OCM: variants seen among roughly 807,000 people sequenced by gnomAD.
OCM encodes oncomodulin-1.
In OCM, 18 loss-of-function variants were observed where a neutral mutation model predicts 14.1. That is an observed-to-expected ratio of 1.28 (90% CI 0.88 to 1.89). OCM has a LOEUF of 1.89. Among genes scored for constraint, OCM ranks in the 40% most tolerant of loss-of-function variants. OCM has a pLI of 0.00. For missense variants in OCM, 140 were observed against 137.6 expected, an observed-to-expected ratio of 1.02 and a Z score of -0.09; for synonymous variants, 48 against 51.0, an observed-to-expected ratio of 0.94 and a Z score of 0.25.
the OCM span, among the ~76,000 whole-genome samples, chr7:5,872,284 C>G: frequency 6.6e-6 from 1 of 152,142 alleles, no homozygotes; most frequent in Admixed American, 6.5e-5. Context: ...AACACACAAG[C>G]TGTCCTTTTC....
rs767572585 is a variant in OCM, at chr7:5,882,635, G to T, written c.194+10G>T. The T allele has an allele frequency of 3.7e-6, 6 of 1,613,952 alleles. No homozygotes were observed. The highest frequency in any genetic ancestry group is 5.1e-6 in the Non-Finnish European group (6 of 1,179,938). On this transcript the variant is annotated intron_variant, in intron 2 of 3. Coordinates refer to ENST00000242104, the MANE Select transcript of OCM (RefSeq NM_001097622.2). ...ATGAAGAAGAGCTTAAGTAAGCTTT[G>T]TCCTGAGTCTGTCTGGTACCCGGCA...
At chr7:5,868,814 G>A in the OCM span, among the ~76,000 whole-genome samples, 3 of 152,110 alleles carry the variant, frequency 2.0e-5, no homozygotes, top group Non-Finnish European at 2.9e-5. Flanking sequence ...TATAATCCCA[G>A]CACTTTGGGA....
chr7:5,866,239 G>T, the OCM span, among the ~76,000 whole-genome samples: 1 of 151,214 alleles, frequency 6.6e-6, no homozygotes, highest in Non-Finnish European at 1.5e-5. Context: ...GTGAGAAGGA[G>T]CCATTGAGCC....
chr7:5,875,602 C>G (rs1260374336), upstream of OCM, among the ~76,000 whole-genome samples: 1 of 152,056 alleles, frequency 6.6e-6, no homozygotes, highest in Non-Finnish European at 1.5e-5. Context: ...GCCACCACTC[C>G]TGGCCTGGTC....
intron 3 of OCM, among the ~76,000 whole-genome samples, chr7:5,885,280 G>C (rs2128607454): frequency 6.6e-6 from 1 of 152,148 alleles, no homozygotes; most frequent in African/African-American, 2.4e-5. Context: ...TTTGGAGTTT[G>C]GTTCAATGGA....
chr7:5,860,793 T>C, the OCM span, among the ~76,000 whole-genome samples: 2 of 87,664 alleles, frequency 2.3e-5, no homozygotes, highest in African/African-American at 1.9e-4. Context: ...TATATATACA[T>C]ATATATACAC....
chr7:5,881,405 T>A (rs1307349233), intron 1 of OCM, among the ~76,000 whole-genome samples: 1 of 150,668 alleles, frequency 6.6e-6, no homozygotes, highest in African/African-American at 2.4e-5. Flanking sequence ...GAGGACTGTT[T>A]GAGCCCAGGA....
chr7:5,878,100 A>G (rs1781131901), upstream of OCM, among the ~76,000 whole-genome samples: 1 of 150,908 alleles, frequency 6.6e-6, no homozygotes, highest in African/African-American at 2.4e-5. Context: ...CCTCCCAAGT[A>G]GCTGGGATTA....
At chr7:5,869,914 C>T in the OCM span, among the ~76,000 whole-genome samples, 8 of 152,250 alleles carry the variant, frequency 5.3e-5, no homozygotes, top group South Asian at 8.3e-4. Flanking sequence ...GGCCCACGCG[C>T]CACGTGTGTG....
the OCM span, among the ~76,000 whole-genome samples, chr7:5,872,232 C>T: frequency 6.6e-6 from 1 of 152,266 alleles, no homozygotes; most frequent in East Asian, 1.9e-4. Context: ...CTGTGTGTTC[C>T]TGGGGATCCC....
chr7:5,883,975 G>T lies in OCM; in HGVS notation c.280G>T (p.Gly94Ter), dbSNP rs766235560. 51 of 1,612,998 alleles carry T rather than the reference G, an allele frequency of 3.2e-5. No individual in the cohort carries two copies. The highest frequency in any genetic ancestry group is 1.7e-4 in the Admixed American group (10 of 59,806). Residue 94 changes from glycine to a stop codon, truncating the protein, a stop_gained, in exon 3 of 4, where the codon GGA becomes TGA. Transcript: ENST00000242104. LOFTEE classifies it high-confidence loss of function. ...KSLMAAADNDGDGKIGAEEFQ... is the reference protein window; with the variant it reads ...KSLMAAADND Reference sequence around the variant, plus strand: ...CTTGATGGCTGCGGCGGATAATGATGGAGATGGGAAAATTGGAGCAGAGGG... The same window carrying T: ...CTTGATGGCTGCGGCGGATAATGATTGAGATGGGAAAATTGGAGCAGAGGG...
chr7:5,879,292 G>A (rs151234727), upstream of OCM, among the ~76,000 whole-genome samples: 576 of 152,250 alleles, frequency 3.8e-3, 3 homozygotes, highest in South Asian at 0.014. Flanking sequence ...GGGGATGCTG[G>A]TTTGATTTCC....
the OCM span, among the ~76,000 whole-genome samples, chr7:5,869,761 C>G: frequency 6.6e-6 from 1 of 152,108 alleles, no homozygotes; most frequent in Non-Finnish European, 1.5e-5. Flanking sequence ...ACCGCCCTGC[C>G]CATAATCCGC....
chr7:5,860,269 C>T, the OCM span, among the ~76,000 whole-genome samples: 1 of 151,374 alleles, frequency 6.6e-6, no homozygotes, highest in African/African-American at 2.4e-5. Flanking sequence ...AAAAAATCAG[C>T]GTCCTATACC....
At chr7:5,881,439 T>C (rs1375585362) in intron 1 of OCM, among the ~76,000 whole-genome samples, 1 of 151,482 alleles carries the variant, frequency 6.6e-6, no homozygotes, top group African/African-American at 2.4e-5. Flanking sequence ...CTGGGCAACA[T>C]AGGAAGACTC....
upstream of OCM, chr7:5,880,716 G>C (rs532628739): frequency 1.8e-6 from 1 of 566,334 alleles, no homozygotes. Flanking sequence ...CCGAGATCAC[G>C]CTCTTGCACT....
chr7:5,868,481 A>G, the OCM span, among the ~76,000 whole-genome samples: 5,586 of 152,102 alleles, frequency 0.037, 430 homozygotes, highest in East Asian at 0.31. Context: ...TCTTCCCCCA[A>G]CAATGCTCTA....
chr7:5,861,779 A>G, the OCM span, among the ~76,000 whole-genome samples: 15 of 152,018 alleles, frequency 9.9e-5, no homozygotes, highest in Admixed American at 7.2e-4. Flanking sequence ...GGGTCTCACT[A>G]TGTTGCCCAG....
the OCM span, among the ~76,000 whole-genome samples, chr7:5,871,560 A>G: frequency 2.0e-5 from 3 of 152,038 alleles, no homozygotes; most frequent in Admixed American, 2.0e-4. Context: ...ATGACACGAC[A>G]TCATATTCGT....
Sources: gnomAD v4.1 joint callset for allele counts (sites outside exome capture counted in the v4.1 genomes callset) on GRCh38, gnomAD v4.1.1 for gene constraint, MANE v1.5 for transcripts, NCBI Gene and HGNC (gene_info 2026-07-23, HGNC 2026-07-21) for gene names.